The following ZNF568 variants were observed in gnomAD, a reference collection of about 807,000 sequenced individuals.
ZNF568 encodes zinc finger protein 568.
In ZNF568, 11 loss-of-function variants were observed where a neutral mutation model predicts 18.1. The observed-to-expected ratio is 0.61, with a 90% CI of 0.38 to 1.00. The LOEUF is 1.00. Ranked by LOEUF, ZNF568 falls within the 50% of genes least tolerant of loss-of-function variation. ZNF568 has a pLI of 0.01. For missense variants in ZNF568, 639 were observed against 768.2 expected (o/e 0.83, Z 1.99); for synonymous variants, 213 against 246.6 (o/e 0.86, Z 1.28).
At chr19:36,987,690 T>C in intron 2 of ZNF568, among the ~76,000 whole-genome samples, 1 of 152,130 alleles carries the variant, frequency 6.6e-6, no homozygotes, top group East Asian at 1.9e-4. Context: ...CCCTGGGCTC[T>C]GATCAGCTCC....
intron 4 of ZNF568, among the ~76,000 whole-genome samples, chr19:36,929,092 A>T (rs534383181): frequency 6.6e-6 from 1 of 151,478 alleles, no homozygotes; most frequent in East Asian, 1.9e-4. Flanking sequence ...TTAAAAGAAG[A>T]ATATTTGTTT....
chr19:36,960,394 A>G (rs2074139935), intron 6 of ZNF568, among the ~76,000 whole-genome samples: 1 of 152,120 alleles, frequency 6.6e-6, no homozygotes, highest in African/African-American at 2.4e-5. Context: ...TTGGGATTAC[A>G]GGTACGAGCC....
chr19:36,918,035 G>A (rs2073380003), intron 2 of ZNF568, among the ~76,000 whole-genome samples: 4 of 152,078 alleles, frequency 2.6e-5, no homozygotes, highest in South Asian at 4.1e-4. Flanking sequence ...TGCAAACTCC[G>A]CCTCCCGAGT....
intron 2 of ZNF568, among the ~76,000 whole-genome samples, chr19:36,989,544 A>C (rs1441058742): frequency 6.6e-6 from 1 of 152,104 alleles, no homozygotes; most frequent in East Asian, 1.9e-4. Flanking sequence ...ATTTATCAGC[A>C]AACCTCTTAG....
At chr19:36,942,337 C>T (rs575887093) in intron 6 of ZNF568, among the ~76,000 whole-genome samples, 56 of 151,790 alleles carry the variant, frequency 3.7e-4, no homozygotes, top group African/African-American at 1.3e-3. Context: ...CGGCAGCTCA[C>T]GCCTGTAATC....
chr19:36,923,958 ATCT>A (rs1218868966), intron 3 of ZNF568, among the ~76,000 whole-genome samples: 5 of 152,016 alleles, frequency 3.3e-5, no homozygotes, highest in African/African-American at 7.2e-5. Context: ...ATCTGTGGAA[ATCT>A]TCTATATTCT....
At chr19:36,928,790 A>C (rs2073629036) in intron 4 of ZNF568, among the ~76,000 whole-genome samples, 1 of 152,204 alleles carries the variant, frequency 6.6e-6, no homozygotes, top group Non-Finnish European at 1.5e-5. Context: ...AGAAAAAAAT[A>C]AAATGTATGT....
At chr19:36,967,015 T>C (rs995499972) in intron 6 of ZNF568, among the ~76,000 whole-genome samples, 1 of 152,194 alleles carries the variant, frequency 6.6e-6, no homozygotes, top group Non-Finnish European at 1.5e-5. Flanking sequence ...AAACCATGCA[T>C]CTCAGGCCTA....
rs1455201806 is a variant in ZNF568, at chr19:36,952,628, T to C, written c.*1540T>C. 1 of 208,394 alleles carries C rather than the reference T, an allele frequency of 4.8e-6. No individual in the cohort carries two copies. Among genetic ancestry groups the C allele is most frequent in the Admixed American group, 6.5e-5 (1 of 15,350 alleles). The allele number at this position is 208,394 out of a possible 1,614,324, so 12.9% of individuals were successfully genotyped here. ...ATAGCATTGTCTCTGGAGATTGAAT[T>C]TGAGGCTGTTGATTAAAAGGAGACT... On this transcript the variant is annotated 3_prime_UTR_variant, in exon 7 of 7. Coordinates refer to ENST00000333987, the MANE Select transcript of ZNF568 (RefSeq NM_198539.4).
intron 6 of ZNF568, among the ~76,000 whole-genome samples, chr19:36,959,083 G>A (rs949600346): frequency 6.6e-6 from 1 of 152,104 alleles, no homozygotes; most frequent in African/African-American, 2.4e-5. Context: ...GGTGAAAGTC[G>A]GCATTGTTCC....
rs2074025161 is a variant in ZNF568, at chr19:36,949,722, A to C, written c.569A>C (p.Asp190Ala). 1.2e-6 allele frequency: 2 copies of C among 1,613,782 alleles called. No individual in the cohort carries two copies. Among genetic ancestry groups the C allele is most frequent in the Admixed American group, 3.3e-5 (2 of 59,988 alleles). Residue 190 changes from aspartate (D) to alanine (A), a missense_variant, in exon 7 of 7, where the codon GAC becomes GCC. By Grantham distance (126) the Asp-to-Ala change is moderately radical. Coordinates refer to ENST00000333987, the MANE Select transcript of ZNF568 (RefSeq NM_198539.4). Reference sequence around the variant, plus strand: ...GATAAGGGTTTGGAACATAATTTAGACTTACTTAGATATGAGAAAGGCTGT... The same window carrying C: ...GATAAGGGTTTGGAACATAATTTAGCCTTACTTAGATATGAGAAAGGCTGT... ...SLDKGLEHNL[D>A]LLRYEKGCVR...
rs1033583226 is a variant in ZNF568 at position 36,916,489 on chromosome 19, A to T, written c.-358A>T. 7 of 152,546 alleles carry T rather than the reference A, an allele frequency of 4.6e-5. No individual in the cohort carries two copies. The highest frequency in any genetic ancestry group is 1.4e-4 in the African/African-American group (6 of 41,586). The allele number at this position is 152,546 out of a possible 1,614,324, so 9.4% of individuals were successfully genotyped here. A position where few individuals can be genotyped will look rare whatever the true frequency, so the allele number is the denominator to read the frequency against. ...GCAGGTGACGCTGCCGAGTCCCCGC[A>T]GCAGGGGGCGAGCAAGGGACTCGCG... On this transcript the variant is annotated 5_prime_UTR_variant, in exon 1 of 7. Coordinates refer to ENST00000333987, the MANE Select transcript of ZNF568 (RefSeq NM_198539.4). The surrounding 1 kb of genome is among the most constrained non-coding windows in gnomAD (Gnocchi z 5.3).
downstream of ZNF568, chr19:36,980,141 TTGCCGGTTATA>T (rs2074319705): frequency 6.6e-6 from 1 of 152,226 alleles, no homozygotes; most frequent in Non-Finnish European, 1.5e-5. Context: ...ATTGTCGTCC[TTGCCGGTTATA>T]TGTGCTGTGC....
At chr19:36,966,528 G>C (rs1261204678) in intron 6 of ZNF568, among the ~76,000 whole-genome samples, 1 of 152,208 alleles carries the variant, frequency 6.6e-6, no homozygotes, top group African/African-American at 2.4e-5. Flanking sequence ...CAAAGGGTTA[G>C]ACTAGGTCAG....
rs74373592 is a variant in ZNF568 at position 36,995,479 on chromosome 19, C to A, written c.230-838C>A. Among the ~76,000 whole-genome samples the A allele has an allele frequency of 8.7e-4, 132 of 152,152 alleles. 1 individual carries two copies. The East Asian group carries it at 0.023, about 26-fold the overall frequency. Reference sequence around the variant, plus strand: ...GATCACTTTTTTTTAATCCATCCTGCCAACCTCTTCTTGTAGTGCTTAACA... The same window carrying A: ...GATCACTTTTTTTTAATCCATCCTGACAACCTCTTCTTGTAGTGCTTAACA... On this transcript the variant is annotated intron_variant, in intron 4 of 4. Transcript: ENST00000433993.
intron 6 of ZNF568, among the ~76,000 whole-genome samples, chr19:36,943,731 AC>A (rs1000848900): frequency 6.6e-6 from 1 of 151,712 alleles, no homozygotes; most frequent in African/African-American, 2.4e-5. Context: ...GCGCCACCAC[AC>A]CTGTAATTTT....
chr19:36,950,343 A>T lies in ZNF568; in HGVS notation c.1190A>T (p.Lys397Ile), dbSNP rs1201733785. 6.2e-7 allele frequency: 1 copy of T among 1,613,896 alleles called. No individual in the cohort carries two copies. The highest frequency in any genetic ancestry group is 1.7e-5 in the Admixed American group (1 of 60,004). The change falls in exon 7 of 7, where the codon AAA (lysine) becomes ATA (isoleucine). Residue 397 changes from lysine to isoleucine, a missense_variant. By Grantham distance (102) the Lys-to-Ile change is moderately radical. Transcript: ENST00000333987. ...EKPYKCNKCG[K>I]AFSQCSVFII... ...CCCTATAAATGTAATAAATGTGGAAAAGCTTTCTCTCAATGCTCAGTATTT... is the reference window on the plus strand; with the variant it reads ...CCCTATAAATGTAATAAATGTGGAATAGCTTTCTCTCAATGCTCAGTATTT...
chr19:36,917,017 A>C (rs2073349345), intron 1 of ZNF568, among the ~76,000 whole-genome samples: 1 of 152,060 alleles, frequency 6.6e-6, no homozygotes, highest in East Asian at 1.9e-4. Context: ...TTATCTTATG[A>C]CTTGCTGCTT....
chr19:36,976,682 G>A (rs10426135), intron 7 of ZNF568, among the ~76,000 whole-genome samples: 50,826 of 151,864 alleles, frequency 0.33, 8,702 homozygotes, highest in Non-Finnish European at 0.36. Flanking sequence ...AGGCCAAGGC[G>A]GGCGGATCAC....
Sources: allele counts gnomAD v4.1 joint callset (sites outside exome capture counted in the v4.1 genomes callset), GRCh38; gene constraint gnomAD v4.1.1; non-coding constraint Gnocchi (gnomAD v3.1); transcripts MANE v1.5; gene names NCBI Gene and HGNC (gene_info 2026-07-23, HGNC 2026-07-21).